NCOA3: variants seen among roughly 807,000 people sequenced by gnomAD.
NCOA3 encodes CBP-interacting protein.
NCOA3 carries 51 observed loss-of-function variants against 158.8 expected under a neutral mutation model. The observed-to-expected ratio is 0.32, with a 90% CI of 0.26 to 0.41. The LOEUF (loss-of-function observed/expected upper bound fraction) is 0.41. Among genes scored for constraint, NCOA3 ranks in the 10% least tolerant of loss-of-function variants. The pLI is 1.00. For synonymous variants in NCOA3, 537 were observed against 592.4 expected (o/e 0.91, Z 1.36); for missense variants, 1,510 against 1,746.6 (o/e 0.86, Z 2.41).
chr20:47,634,891 CCTT>C (rs1320361538), intron 10 of NCOA3, among the ~76,000 whole-genome samples: 1 of 151,140 alleles, frequency 6.6e-6, no homozygotes, highest in Non-Finnish European at 1.5e-5. Flanking sequence ...CTTCTCTCTC[CCTT>C]CTTCCTTTCT....
chr20:47,641,784 T>C (rs2086616233), intron 16 of NCOA3, among the ~76,000 whole-genome samples: 1 of 152,052 alleles, frequency 6.6e-6, no homozygotes, highest in South Asian at 2.1e-4. Context: ...CTTGAGCCAC[T>C]GCGCCTGGCC....
intron 1 of NCOA3, among the ~76,000 whole-genome samples, chr20:47,554,762 C>T (rs143949681): frequency 3.9e-5 from 6 of 152,116 alleles, no homozygotes; most frequent in East Asian, 1.9e-4. Flanking sequence ...GAATCAATAT[C>T]GTGAAAAAGG....
rs1451246025 is a variant in NCOA3 at position 47,511,950 on chromosome 20, T to G, written c.-99+9931T>G. ...ATTTGAGTAAATGATGCCCTAAAAG[T>G]CCTGGCTTCACCACTAGGCAATCTA... is the stretch of plus-strand genomic sequence containing the variant. On this transcript the variant is annotated intron_variant, in intron 1 of 22. Transcript: ENST00000371998. Among the ~76,000 whole-genome samples the G allele has an allele frequency of 2.0e-5, 3 of 152,044 alleles. No individual in the cohort carries two copies. The East Asian group carries it at 5.8e-4, about 29-fold the overall frequency.
intron 1 of NCOA3, among the ~76,000 whole-genome samples, chr20:47,576,349 T>C (rs899657531): frequency 1.3e-5 from 2 of 152,214 alleles, no homozygotes; most frequent in Non-Finnish European, 2.9e-5. Flanking sequence ...ATTATCTTTT[T>C]ACCATCCTAT....
At chr20:47,634,302 A>G in intron 10 of NCOA3, 107 bp downstream of exon 10, 2 of 1,129,734 alleles carry the variant, frequency 1.8e-6, no homozygotes, top group South Asian at 3.1e-5. Flanking sequence ...AAATTTAGGA[A>G]GGTTATTGGG....
At chr20:47,597,817 G>A (rs1283076300) in intron 2 of NCOA3, among the ~76,000 whole-genome samples, 2 of 151,684 alleles carry the variant, frequency 1.3e-5, no homozygotes, top group Non-Finnish European at 2.9e-5. Flanking sequence ...CCTCCTTAGA[G>A]TTTTTATCTC....
intron 1 of NCOA3, among the ~76,000 whole-genome samples, chr20:47,575,288 T>C (rs769679695): frequency 6.6e-6 from 1 of 152,308 alleles, no homozygotes; most frequent in Non-Finnish European, 1.5e-5. Context: ...AAAGAAGATA[T>C]ACAGAAGACC....
chr20:47,532,103 G>A (rs2084556044), intron 1 of NCOA3, among the ~76,000 whole-genome samples: 1 of 90,068 alleles, frequency 1.1e-5, no homozygotes, highest in Non-Finnish European at 2.2e-5. Flanking sequence ...ACTTTGTAGG[G>A]GGGGACTTGT....
Position 47,583,003 on chromosome 20 carries a change from C to T in NCOA3, c.-98-180C>T, listed in dbSNP as rs1425712427. Among the ~76,000 whole-genome samples the T allele has an allele frequency of 3.3e-5, 5 of 152,138 alleles. No homozygotes were observed. The East Asian group carries it at 9.6e-4, about 29-fold the overall frequency. On this transcript the variant is annotated intron_variant, in intron 1 of 22. Transcript: ENST00000371998. ...AGAGTTGGGGTTTTGCCATGTTGGCCAGGCCAGCCTTGAACTCCTGACCTC... is the reference window on the plus strand; with the variant it reads ...AGAGTTGGGGTTTTGCCATGTTGGCTAGGCCAGCCTTGAACTCCTGACCTC...
chr20:47,637,621 G>A (rs756782759), intron 12 of NCOA3, 27 bp from the exon 13 acceptor site: 1 of 1,579,414 alleles, frequency 6.3e-7, no homozygotes, highest in African/African-American at 1.4e-5. Context: ...AATGTATACA[G>A]GTTAATTTTT....
At chr20:47,551,593 AGTGCAG>A (rs1428137754) in intron 1 of NCOA3, among the ~76,000 whole-genome samples, 4 of 152,182 alleles carry the variant, frequency 2.6e-5, no homozygotes, top group Non-Finnish European at 5.9e-5. Context: ...TCTTTATGAA[AGTGCAG>A]GCTGGAAGAT....
In NCOA3 at chr20:47,656,153, A is replaced by AAGAT. The variant is rs1658593901; in HGVS notation, c.*2738_*2741dup. On this transcript the variant is annotated 3_prime_UTR_variant, in exon 23 of 23. Coordinates refer to ENST00000371998, the MANE Select transcript of NCOA3 (RefSeq NM_181659.3). ...TTTTTTTTTTTTTTTGCTGAATCCA[A>AAGAT]AGATATATAAATAAAATATATATAT... 6.7e-6 allele frequency: 1 copy of AAGAT among 148,804 alleles called. No homozygotes were observed. The highest frequency in any genetic ancestry group is 2.1e-4 in the South Asian group (1 of 4,766). 9.2% of individuals were successfully genotyped at this position (148,804 alleles called of 1,614,324 possible).
intron 1 of NCOA3, among the ~76,000 whole-genome samples, chr20:47,523,167 T>C (rs976764616): frequency 6.6e-6 from 1 of 152,090 alleles, no homozygotes; most frequent in Non-Finnish European, 1.5e-5. Flanking sequence ...GGCTGGGCGA[T>C]AGAGCGAGCC....
At chr20:47,525,689 C>T (rs560651494) in intron 1 of NCOA3, among the ~76,000 whole-genome samples, 12 of 127,852 alleles carry the variant, frequency 9.4e-5, no homozygotes, top group African/African-American at 1.9e-4. Context: ...CCCTCCCGGA[C>T]GGGGCGGCTG....
rs557200547 is a variant in NCOA3 at position 47,516,487 on chromosome 20, C to G, written c.-99+14468C>G. Reference sequence around the variant, plus strand: ...AGCAAGGGTCTAGACTATCAAGCAACTGACATATAAATAAGATACACACAT... The same window carrying G: ...AGCAAGGGTCTAGACTATCAAGCAAGTGACATATAAATAAGATACACACAT... On this transcript the variant is annotated intron_variant, in intron 1 of 22. Coordinates refer to ENST00000371998, the MANE Select transcript of NCOA3 (RefSeq NM_181659.3). Among the ~76,000 whole-genome samples the G allele has an allele frequency of 2.8e-4, 42 of 152,230 alleles. No individual in the cohort carries two copies. The South Asian group carries it at 8.1e-3, about 29-fold the overall frequency.
intron 3 of NCOA3, among the ~76,000 whole-genome samples, 165 bp downstream of exon 3, chr20:47,622,495 G>A (rs2086257853): frequency 2.0e-5 from 3 of 152,110 alleles, no homozygotes; most frequent in Admixed American, 2.0e-4. Flanking sequence ...TGATGTAATA[G>A]AAGTTTTTTT....
chr20:47,567,525 C>G (rs564693250), intron 1 of NCOA3, among the ~76,000 whole-genome samples: 24 of 151,946 alleles, frequency 1.6e-4, no homozygotes, highest in Non-Finnish European at 2.9e-4. Flanking sequence ...CCTCAACCTC[C>G]CAAGTAGTTG....
intron 1 of NCOA3, among the ~76,000 whole-genome samples, chr20:47,519,218 TGAGGTCAGAAGATCAA>T (rs1281983769): frequency 1.3e-5 from 2 of 151,520 alleles, no homozygotes; most frequent in African/African-American, 4.9e-5. Context: ...GTGGATCACT[TGAGGTCAGAAGATCAA>T]GACCACCCTG....
intron 1 of NCOA3, among the ~76,000 whole-genome samples, chr20:47,554,731 T>G (rs1193393802): frequency 1.3e-5 from 2 of 151,966 alleles, no homozygotes; most frequent in Non-Finnish European, 2.9e-5. Context: ...TGGAAGAACG[T>G]TCCATGCTCG....
Sources: gnomAD v4.1 joint callset for allele counts (sites outside exome capture counted in the v4.1 genomes callset) on GRCh38, gnomAD v4.1.1 for gene constraint, MANE v1.5 for transcripts, NCBI Gene and HGNC (gene_info 2026-07-23, HGNC 2026-07-21) for gene names.